Variants in MYO5B observed in about 807,000 individuals in gnomAD.
The protein encoded by MYO5B is unconventional myosin-Vb.
Under a neutral mutation model 229.3 loss-of-function variants are expected in MYO5B, and 143 were observed. That is an observed-to-expected ratio of 0.62 (90% CI 0.54 to 0.72). MYO5B has a LOEUF of 0.72. Among genes scored for constraint, MYO5B ranks in the 30% least tolerant of loss-of-function variants. The pLI, the probability that MYO5B is intolerant of heterozygous loss-of-function variation, is 0.00. For missense variants in MYO5B, 2,321 were observed against 2,331.0 expected (o/e 1.00, Z 0.09); for synonymous variants, 918 against 885.2 (o/e 1.04, Z -0.66).
At chr18:50,016,701 T>C (rs1450848761) in intron 4 of MYO5B, among the ~76,000 whole-genome samples, 2 of 152,200 alleles carry the variant, frequency 1.3e-5, no homozygotes, top group African/African-American at 2.4e-5. Flanking sequence ...ATTTAAAATA[T>C]ACAATTCAAA....
At chr18:50,040,066 T>C (rs2029963991) in intron 3 of MYO5B, 77 bp downstream of exon 3, 2 of 1,475,984 alleles carry the variant, frequency 1.4e-6, no homozygotes, top group Middle Eastern at 1.9e-4. Context: ...TGAGGACTCC[T>C]AAGCATTTGA....
intron 1 of MYO5B, among the ~76,000 whole-genome samples, chr18:50,182,161 T>A (rs2033082165): frequency 6.6e-6 from 1 of 152,228 alleles, no homozygotes; most frequent in African/African-American, 2.4e-5. Context: ...AAAGATGGTC[T>A]GAACCTTCAG....
At position 49,824,256 on chromosome 18, in the gene MYO5B, A is replaced by G. The variant is rs886053858; in HGVS notation, c.*2215T>C. 2.6e-5 allele frequency: 4 copies of G among 152,308 alleles called. No individual in the cohort carries two copies. The highest frequency in any genetic ancestry group is 5.9e-5 in the Non-Finnish European group (4 of 68,058). The allele number at this position is 152,308 out of a possible 1,614,324, so 9.4% of individuals were successfully genotyped here. ...TAAGACAGATCTAAATATTAACTAC[A>G]TATAAAGTATATATTTGTTAGTCAT... is the stretch of plus-strand genomic sequence containing the variant. On this transcript the variant is annotated 3_prime_UTR_variant, in exon 40 of 40. Transcript: ENST00000285039.
chr18:49,994,787 G>A (rs1306603724), intron 5 of MYO5B, among the ~76,000 whole-genome samples: 1 of 152,200 alleles, frequency 6.6e-6, no homozygotes, highest in African/African-American at 2.4e-5. Context: ...AGGCCCCACA[G>A]GATGATGGCA....
Position 49,904,726 on chromosome 18 carries a change from G to A in MYO5B, c.2517C>T (p.Ala839=), listed in dbSNP as rs540568131. Residue 839 remains alanine (A), a synonymous_variant, in exon 20 of 40, where the codon GCC becomes GCT. Transcript: ENST00000285039. ...RQAYQRVRRA[A]VVIQAFTRAM... ...CCCGGGTGAAGGCCTGGATAACAAC[G>A]GCAGCTCTGCGGACCCTCTGGTAGG... 16 of 1,614,058 alleles carry A rather than the reference G, an allele frequency of 9.9e-6. No individual in the cohort carries two copies. The Middle Eastern group carries it at 4.9e-4, about 50-fold the overall frequency.
intron 1 of MYO5B, among the ~76,000 whole-genome samples, chr18:50,082,329 T>C (rs1388699566): frequency 6.6e-6 from 1 of 152,246 alleles, no homozygotes; most frequent in Non-Finnish European, 1.5e-5. Flanking sequence ...AAGTGTGTTA[T>C]GGACCAACAG....
chr18:49,854,565 A>C (rs771710105), intron 30 of MYO5B, among the ~76,000 whole-genome samples: 2 of 152,214 alleles, frequency 1.3e-5, no homozygotes, highest in Non-Finnish European at 2.9e-5. Context: ...ATATGGAAGA[A>C]AGCTAGGGTG....
chr18:50,007,796 C>T (rs1375980178), intron 4 of MYO5B, among the ~76,000 whole-genome samples: 2 of 152,200 alleles, frequency 1.3e-5, no homozygotes, highest in Non-Finnish European at 2.9e-5. Context: ...AATTAACTAA[C>T]CATTTATTTA....
intron 2 of MYO5B, among the ~76,000 whole-genome samples, chr18:50,042,853 G>C (rs553767558): frequency 6.6e-6 from 1 of 152,238 alleles, no homozygotes; most frequent in South Asian, 2.1e-4. Context: ...TTTCAGATTA[G>C]AAAGCCAGGA....
intron 2 of MYO5B, among the ~76,000 whole-genome samples, chr18:50,052,247 C>T (rs571017860): frequency 6.6e-6 from 1 of 152,040 alleles, no homozygotes; most frequent in Non-Finnish European, 1.5e-5. Context: ...TATAAAGACA[C>T]ATGCAAACGT....
At chr18:49,839,773 A>G (rs1174670406) in intron 35 of MYO5B, 1 of 222,934 alleles carries the variant, frequency 4.5e-6, no homozygotes, top group African/African-American at 2.3e-5. Flanking sequence ...TAGATGAACT[A>G]AAGTGATTTC....
At chr18:50,017,247 G>A (rs1206432830) in intron 4 of MYO5B, among the ~76,000 whole-genome samples, 1 of 152,030 alleles carries the variant, frequency 6.6e-6, no homozygotes, top group African/African-American at 2.4e-5. Flanking sequence ...CCTCCCGAGT[G>A]GCTGGGATTA....
rs1229794452 is a variant in MYO5B, at chr18:50,169,609, G to A, written c.27+25158C>T. Among the ~76,000 whole-genome samples, 4 of 127,504 alleles carry A rather than the reference G, an allele frequency of 3.1e-5. 1 individual carries two copies. The highest frequency in any genetic ancestry group is 2.3e-4 in the East Asian group (1 of 4,408). The allele number at this position is 127,504 out of a possible 152,430, so 83.6% of individuals were successfully genotyped here. A position where few individuals can be genotyped will look rare whatever the true frequency, so the allele number is the denominator to read the frequency against. ...AAAGTCAAGGAAATACTGAGGAAAC[G>A]TTCCAGATTGGAAGAGACTAGAGAG... On this transcript the variant is annotated intron_variant, in intron 1 of 39. Coordinates refer to ENST00000285039, the MANE Select transcript of MYO5B (RefSeq NM_001080467.3).
intron 2 of MYO5B, among the ~76,000 whole-genome samples, chr18:50,047,590 G>T (rs2030267573): frequency 6.6e-6 from 1 of 152,124 alleles, no homozygotes; most frequent in Admixed American, 6.5e-5. Flanking sequence ...CCATTACTGG[G>T]TATATACCCA....
chr18:49,972,882 C>T (rs528531019), intron 10 of MYO5B, among the ~76,000 whole-genome samples: 253 of 152,140 alleles, frequency 1.7e-3, no homozygotes, highest in African/African-American at 5.6e-3. Context: ...CTCCCACTCT[C>T]GGTGATTCTC....
chr18:49,946,498 C>G (rs910101871), intron 14 of MYO5B: 1 of 152,158 alleles, frequency 6.6e-6, no homozygotes, highest in African/African-American at 2.4e-5. Flanking sequence ...ACTTGGAAAT[C>G]AGAATCACCA....
intron 1 of MYO5B, among the ~76,000 whole-genome samples, chr18:50,160,084 G>A (rs35783312): frequency 1.1e-4 from 16 of 152,348 alleles, no homozygotes; most frequent in Non-Finnish European, 1.5e-4. Flanking sequence ...ATGCTAACAC[G>A]CACAACGTAC....
intron 1 of MYO5B, among the ~76,000 whole-genome samples, chr18:50,180,587 C>T (rs549157492): frequency 6.6e-6 from 1 of 152,264 alleles, no homozygotes; most frequent in Non-Finnish European, 1.5e-5. Context: ...TTTAAATGTA[C>T]AGTTCAGTGG....
At position 50,174,525 on chromosome 18, in the gene MYO5B, C is replaced by T. The variant is rs117449725; in HGVS notation, c.27+20242G>A. Among the ~76,000 whole-genome samples the T allele has an allele frequency of 2.2e-4, 34 of 152,288 alleles. 1 individual carries two copies. The highest frequency in any genetic ancestry group is 6.8e-3 in the Middle Eastern group (2 of 294). On this transcript the variant is annotated intron_variant, in intron 1 of 39. Transcript: ENST00000285039. Reference sequence around the variant, plus strand: ...TCCATTCCCTCTTTGTCCTCCCTACCTCAGAGGGCTCTTGTGACAAGAAAA... The same window carrying T: ...TCCATTCCCTCTTTGTCCTCCCTACTTCAGAGGGCTCTTGTGACAAGAAAA...
Sources: gnomAD v4.1 joint callset for allele counts (sites outside exome capture counted in the v4.1 genomes callset) on GRCh38, gnomAD v4.1.1 for gene constraint, MANE v1.5 for transcripts, NCBI Gene and HGNC (gene_info 2026-07-23, HGNC 2026-07-21) for gene names.